The following EML6 variants were observed in gnomAD, a reference collection of about 807,000 sequenced individuals.
EML6 encodes echinoderm microtubule-associated protein-like 6.
EML6 carries 154 observed loss-of-function variants against 240.1 expected under a neutral mutation model. The ratio of observed to expected loss-of-function variants is 0.64; its 90% CI spans 0.56 to 0.73. The LOEUF is 0.73. EML6 is among the 30% of genes least tolerant of loss of function. The probability of loss-of-function intolerance (pLI) is 0.00; values close to 1 mark genes in which losing one functional copy is unlikely to be tolerated. For synonymous variants in EML6, 1,148 were observed against 899.0 expected (o/e 1.28, Z -4.95); for missense variants, 2,964 against 2,474.6 (o/e 1.20, Z -4.20).
intron 2 of EML6, among the ~76,000 whole-genome samples, chr2:54,741,417 G>T (rs1272418837): frequency 1.3e-5 from 2 of 152,054 alleles, no homozygotes; most frequent in African/African-American, 4.8e-5. Context: ...AGTTGCCATA[G>T]AAATATATAT....
intron 32 of EML6, among the ~76,000 whole-genome samples, chr2:54,955,498 T>C (rs1011918255): frequency 6.6e-6 from 1 of 152,232 alleles, no homozygotes; most frequent in African/African-American, 2.4e-5. Context: ...CCCCTTCTTA[T>C]GTGGGGACAG....
Position 54,751,840 on chromosome 2 carries a change from G to C in EML6, c.197+26582G>C, listed in dbSNP as rs1198125377. Among the ~76,000 whole-genome samples the C allele has an allele frequency of 2.6e-5, 4 of 152,314 alleles. No individual in the cohort carries two copies. In the East Asian group the frequency reaches 7.7e-4, roughly 29 times the overall value. On this transcript the variant is annotated intron_variant, in intron 2 of 41. Coordinates refer to ENST00000356458, the MANE Select transcript of EML6 (RefSeq NM_001039753.4). Reference sequence around the variant, plus strand: ...AATTTGCTTTCTGAAAACTGAGGCAGTTAGAGGGTATCAAAAAGAGGATGA... The same window carrying C: ...AATTTGCTTTCTGAAAACTGAGGCACTTAGAGGGTATCAAAAAGAGGATGA...
At chr2:54,963,537 G>C (rs1394595606) in intron 36 of EML6, among the ~76,000 whole-genome samples, 1 of 151,872 alleles carries the variant, frequency 6.6e-6, no homozygotes, top group Admixed American at 6.6e-5. Context: ...TTCAGAATTT[G>C]AACTAGCAGA....
chr2:54,864,073 T>G (rs990966805), intron 13 of EML6, among the ~76,000 whole-genome samples, 184 bp downstream of exon 13: 7 of 152,176 alleles, frequency 4.6e-5, no homozygotes, highest in African/African-American at 1.4e-4. Flanking sequence ...ATCATACCAT[T>G]AAAATTTATT....
chr2:54,829,281 G>C, intron 6 of EML6, 61 bp from the exon 7 acceptor site: 1 of 1,465,014 alleles, frequency 6.8e-7, no homozygotes, highest in Non-Finnish European at 9.3e-7. Context: ...ACATTCAACT[G>C]TATCTATTCA....
intron 2 of EML6, among the ~76,000 whole-genome samples, chr2:54,789,141 T>TA (rs1669254355): frequency 6.6e-6 from 1 of 152,254 alleles, no homozygotes; most frequent in Non-Finnish European, 1.5e-5. Flanking sequence ...TTCTGGAAGA[T>TA]ACTTGCGTAA....
At chr2:54,840,499 C>T in intron 7 of EML6, among the ~76,000 whole-genome samples, 1 of 152,088 alleles carries the variant, frequency 6.6e-6, no homozygotes, top group East Asian at 1.9e-4. Flanking sequence ...CAAATGTAAT[C>T]TTCATTACGG....
At chr2:54,789,690 T>C (rs1230901626) in intron 2 of EML6, among the ~76,000 whole-genome samples, 1 of 152,160 alleles carries the variant, frequency 6.6e-6, no homozygotes, top group Non-Finnish European at 1.5e-5. Flanking sequence ...AACTCTACCT[T>C]ATTTAATTAT....
rs1041453731 is a variant in EML6, at chr2:54,970,170, C to T, written c.*75C>T. 3 of 1,444,988 alleles carry T rather than the reference C, an allele frequency of 2.1e-6. No homozygotes were observed. Among genetic ancestry groups the T allele is most frequent in the Middle Eastern group, 1.7e-4 (1 of 5,788 alleles). 89.5% of individuals were successfully genotyped at this position (1,444,988 alleles called of 1,614,324 possible). On this transcript the variant is annotated 3_prime_UTR_variant, in exon 42 of 42. Transcript: ENST00000356458. ...CTGCAGAGGCCATGCTGAGGTGCCT[C>T]CTTGCCACCAGCCGTTGGGAAATGC...
chr2:54,755,008 A>C (rs1572860266), intron 2 of EML6, among the ~76,000 whole-genome samples: 1 of 152,252 alleles, frequency 6.6e-6, no homozygotes, highest in Non-Finnish European at 1.5e-5. Context: ...CCACAGTTCC[A>C]GAAACTTTAT....
intron 25 of EML6, among the ~76,000 whole-genome samples, chr2:54,911,516 C>A (rs1389560773): frequency 2.6e-5 from 4 of 151,868 alleles, no homozygotes. Flanking sequence ...TGCAACCTCC[C>A]CCTCCCAGGT....
chr2:54,809,421 C>T (rs1558567930), intron 2 of EML6, among the ~76,000 whole-genome samples: 1 of 152,174 alleles, frequency 6.6e-6, no homozygotes, highest in Non-Finnish European at 1.5e-5. Context: ...GAGATCTTAT[C>T]AAAAGCCCAG....
chr2:54,748,574 G>A (rs1558523368), intron 2 of EML6, among the ~76,000 whole-genome samples: 1 of 151,872 alleles, frequency 6.6e-6, no homozygotes, highest in South Asian at 2.1e-4. Flanking sequence ...TTATTGGGGG[G>A]CAGGGAACAG....
chr2:54,770,471 C>G (rs910782014), intron 2 of EML6, among the ~76,000 whole-genome samples: 1 of 152,180 alleles, frequency 6.6e-6, no homozygotes, highest in South Asian at 2.1e-4. Context: ...TTGATCGCCT[C>G]TTGCCCTTTG....
Position 54,847,464 on chromosome 2 carries a change from T to C in EML6, c.1050-22T>C, listed in dbSNP as rs1042976278. On this transcript the variant is annotated intron_variant, in intron 8 of 41. Transcript: ENST00000356458. Reference sequence around the variant, plus strand: ...CATGGGAAGTTGGTTTTGTTTTGTTTTGACTTCGTTCTTGTGCCTAGGCTG... The same window carrying C: ...CATGGGAAGTTGGTTTTGTTTTGTTCTGACTTCGTTCTTGTGCCTAGGCTG... The C allele has an allele frequency of 6.5e-6, 10 of 1,547,856 alleles. No homozygotes were observed. In the African/African-American group the frequency reaches 9.6e-5, roughly 15 times the overall value.
chr2:54,919,178 T>C (rs1415031258), intron 26 of EML6, among the ~76,000 whole-genome samples: 3 of 152,082 alleles, frequency 2.0e-5, no homozygotes, highest in Non-Finnish European at 4.4e-5. Flanking sequence ...AAATGAGAAA[T>C]TGACTTTCAG....
chr2:54,907,926 AGAT>A (rs1558673773), intron 24 of EML6, among the ~76,000 whole-genome samples: 8 of 52,970 alleles, frequency 1.5e-4, no homozygotes, highest in South Asian at 6.7e-4. Flanking sequence ...ATAGATAGAT[AGAT>A]AGATAGATAG....
At chr2:54,760,746 A>G (rs1667942495) in intron 2 of EML6, among the ~76,000 whole-genome samples, 1 of 151,826 alleles carries the variant, frequency 6.6e-6, no homozygotes, top group African/African-American at 2.4e-5. Flanking sequence ...TTTGTCCTGG[A>G]ATTCGGAAGA....
chr2:54,884,701 C>G (rs1208444967), intron 17 of EML6, among the ~76,000 whole-genome samples: 2 of 152,148 alleles, frequency 1.3e-5, no homozygotes, highest in African/African-American at 4.8e-5. Flanking sequence ...CAGATGTAAA[C>G]TAAAAAGTTC....
Sources: allele counts gnomAD v4.1 joint callset (sites outside exome capture counted in the v4.1 genomes callset), GRCh38; gene constraint gnomAD v4.1.1; transcripts MANE v1.5; gene names NCBI Gene and HGNC (gene_info 2026-07-23, HGNC 2026-07-21).